Variants in EPHB1 observed in about 807,000 individuals in gnomAD.
EPHB1 encodes EPH receptor B1.
EPHB1 carries 30 observed loss-of-function variants against 94.4 expected under a neutral mutation model. The observed-to-expected ratio is 0.32, with a 90% confidence interval of 0.24 to 0.43. The LOEUF is 0.43. EPHB1 is among the 20% of genes least tolerant of loss of function. The pLI is 1.00. For synonymous variants in EPHB1, 522 were observed against 489.1 expected, an observed-to-expected ratio of 1.07 and a Z score of -0.89; for missense variants, 1,055 against 1,308.3, an observed-to-expected ratio of 0.81 and a Z score of 2.99.
At chr3:134,935,957 A>G (rs62270318) in intron 2 of EPHB1, among the ~76,000 whole-genome samples, 13,342 of 152,180 alleles carry the variant, frequency 0.088, 694 homozygotes, top group African/African-American at 0.14. Context: ...CATCTCTCCC[A>G]TTTCCAAAGT....
chr3:135,092,781 A>G (rs2107792240), intron 3 of EPHB1, among the ~76,000 whole-genome samples: 1 of 151,802 alleles, frequency 6.6e-6, no homozygotes, highest in South Asian at 2.1e-4. Flanking sequence ...ATGCGCCACT[A>G]CTCCTGACTA....
At chr3:135,225,685 C>T (rs1440402200) in intron 12 of EPHB1, among the ~76,000 whole-genome samples, 1 of 152,008 alleles carries the variant, frequency 6.6e-6, no homozygotes, top group Non-Finnish European at 1.5e-5. Context: ...GAAGGCCACA[C>T]CTCAGGTGAG....
chr3:135,133,539 T>G (rs1295352724), intron 5 of EPHB1, among the ~76,000 whole-genome samples: 1 of 152,226 alleles, frequency 6.6e-6, no homozygotes, highest in Non-Finnish European at 1.5e-5. Flanking sequence ...GGAAACCCAA[T>G]GACAGAAATT....
At chr3:135,126,819 C>T (rs1207590180) in intron 4 of EPHB1, among the ~76,000 whole-genome samples, 1 of 152,202 alleles carries the variant, frequency 6.6e-6, no homozygotes, top group Non-Finnish European at 1.5e-5. Context: ...TGGGCTCCTA[C>T]ATCAGGTTTC....
At chr3:134,903,196 G>C (rs868099597) in intron 1 of EPHB1, among the ~76,000 whole-genome samples, 1 of 152,220 alleles carries the variant, frequency 6.6e-6, no homozygotes, top group African/African-American at 2.4e-5. Context: ...GGAGCTCTGG[G>C]TGGCTCCGTG....
intron 9 of EPHB1, among the ~76,000 whole-genome samples, chr3:135,171,041 C>G (rs1941789383): frequency 2.6e-5 from 4 of 152,120 alleles, no homozygotes; most frequent in Admixed American, 2.6e-4. Context: ...GAGGGCAGAG[C>G]ACAGAGATTA....
intron 9 of EPHB1, among the ~76,000 whole-genome samples, chr3:135,168,539 C>T (rs1187848197): frequency 6.6e-6 from 1 of 152,234 alleles, no homozygotes; most frequent in East Asian, 1.9e-4. Context: ...ATTAGCCCTT[C>T]CAGGCAGGGC....
intron 3 of EPHB1, among the ~76,000 whole-genome samples, chr3:134,985,432 A>G (rs1474047776): frequency 6.6e-6 from 1 of 152,206 alleles, no homozygotes; most frequent in Non-Finnish European, 1.5e-5. Flanking sequence ...TGCTGGGATT[A>G]CAGGCGTGAG....
chr3:135,106,400 T>C, intron 3 of EPHB1, 48 bp from the exon 4 acceptor site: 1 of 1,605,386 alleles, frequency 6.2e-7, no homozygotes. Flanking sequence ...GAAGAGTTTC[T>C]GGCTGCCACA....
intron 1 of EPHB1, among the ~76,000 whole-genome samples, chr3:134,896,769 G>A (rs2038093812): frequency 6.6e-6 from 1 of 152,266 alleles, no homozygotes; most frequent in Non-Finnish European, 1.5e-5. Flanking sequence ...AAGCACCACA[G>A]GTTTGGTGGT....
chr3:134,918,373 A>G (rs1363327687), intron 1 of EPHB1, among the ~76,000 whole-genome samples: 1 of 152,238 alleles, frequency 6.6e-6, no homozygotes, highest in Admixed American at 6.5e-5. Context: ...CTTAAAGGCC[A>G]GGCATTTGTG....
chr3:135,254,654 G>A (rs1385482190), intron 15 of EPHB1, among the ~76,000 whole-genome samples: 3 of 150,952 alleles, frequency 2.0e-5, no homozygotes, highest in African/African-American at 7.3e-5. Flanking sequence ...ATGTTCATCA[G>A]GGATATTGGT....
chr3:135,148,015 C>T (rs1231364409), intron 5 of EPHB1, among the ~76,000 whole-genome samples: 1 of 152,192 alleles, frequency 6.6e-6, no homozygotes, highest in African/African-American at 2.4e-5. Flanking sequence ...TTAATTTTAA[C>T]ACAGTAAACT....
intron 1 of EPHB1, among the ~76,000 whole-genome samples, chr3:134,842,338 C>A (rs1560257954): frequency 6.6e-6 from 1 of 152,108 alleles, no homozygotes; most frequent in Non-Finnish European, 1.5e-5. Flanking sequence ...TATAGCAGCC[C>A]AAACAGATAA....
chr3:134,995,891 C>T (rs1287740598), intron 3 of EPHB1, among the ~76,000 whole-genome samples: 2 of 152,124 alleles, frequency 1.3e-5, no homozygotes, highest in Non-Finnish European at 2.9e-5. Context: ...GAAACTATCT[C>T]CTATAATACT....
chr3:134,806,974 G>A (rs897203837), intron 1 of EPHB1, among the ~76,000 whole-genome samples: 12 of 152,192 alleles, frequency 7.9e-5, no homozygotes, highest in Non-Finnish European at 1.2e-4. Flanking sequence ...TACTCGAAGG[G>A]CATTCTTAGC....
intron 3 of EPHB1, among the ~76,000 whole-genome samples, chr3:135,071,584 C>T (rs1195822429): frequency 1.3e-5 from 2 of 152,266 alleles, no homozygotes; most frequent in Non-Finnish European, 1.5e-5. Context: ...AAATTTAAAG[C>T]AATTTGACAT....
chr3:134,861,023 A>T (rs2037245157), intron 1 of EPHB1, among the ~76,000 whole-genome samples: 1 of 152,134 alleles, frequency 6.6e-6, no homozygotes, highest in Non-Finnish European at 1.5e-5. Flanking sequence ...GATATGGAAG[A>T]TGCAGTGAGT....
intron 3 of EPHB1, among the ~76,000 whole-genome samples, chr3:135,024,521 C>A (rs1936081506): frequency 6.6e-6 from 1 of 152,194 alleles, no homozygotes; most frequent in African/African-American, 2.4e-5. Flanking sequence ...GTGCTAGTTC[C>A]CAGCCAGAGC....
Sources: allele counts gnomAD v4.1 joint callset (sites outside exome capture counted in the v4.1 genomes callset), GRCh38; gene constraint gnomAD v4.1.1; transcripts MANE v1.5; gene names NCBI Gene and HGNC (gene_info 2026-07-23, HGNC 2026-07-21).